CDK18: variants seen among roughly 807,000 people sequenced by gnomAD.
CDK18 encodes the protein cyclin-dependent kinase 18.
In CDK18, 52 loss-of-function variants were observed where a neutral mutation model predicts 62.0. The observed-to-expected ratio is 0.84, with a 90% CI of 0.67 to 1.06. The LOEUF is 1.06. Among genes scored for constraint, CDK18 ranks in the 50% least tolerant of loss-of-function variants. CDK18 has a pLI of 0.00. For synonymous variants in CDK18, 237 were observed against 247.0 expected, an observed-to-expected ratio of 0.96 and a Z score of 0.38; for missense variants, 604 against 619.9, an observed-to-expected ratio of 0.97 and a Z score of 0.27.
intron 14 of CDK18, 35 bp from the exon 15 acceptor site, chr1:205,530,593 C>T (rs779851091): frequency 1.3e-6 from 2 of 1,594,648 alleles, no homozygotes; most frequent in South Asian, 2.2e-5. Flanking sequence ...CAGCTCCACG[C>T]AGCCCTCTCC....
At position 205,527,788 on chromosome 1, in the gene CDK18, C is replaced by A. The variant is rs777536754; in HGVS notation, c.730-6C>A. On this transcript the variant is annotated splice_region_variant and splice_polypyrimidine_tract_variant and intron_variant, in intron 8 of 15. Transcript: ENST00000429964. The surrounding 1 kb of genome is among the most constrained non-coding windows in gnomAD (Gnocchi z 4.1). Reference sequence around the variant, plus strand: ...CCACCCCACATTTCTCTTCCCCCTCCCCCAGATTTTCATGTTCCAGCTGCT... The same window carrying A: ...CCACCCCACATTTCTCTTCCCCCTCACCCAGATTTTCATGTTCCAGCTGCT... 1.2e-6 allele frequency: 2 copies of A among 1,613,740 alleles called. No individual in the cohort carries two copies. The highest frequency in any genetic ancestry group is 2.2e-5 in the South Asian group (2 of 91,066).
At chr1:205,531,302 C>T in intron 15 of CDK18, 42 bp from the exon 16 acceptor site, 1 of 1,606,010 alleles carries the variant, frequency 6.2e-7, no homozygotes, top group Non-Finnish European at 8.5e-7. Context: ...ACCCGTCAGC[C>T]CAGCCTCCTC....
At chr1:205,508,994 C>T (rs1341586410) in intron 1 of CDK18, among the ~76,000 whole-genome samples, 1 of 151,648 alleles carries the variant, frequency 6.6e-6, no homozygotes, top group Non-Finnish European at 1.5e-5. Context: ...CCTAAAAATA[C>T]AAAAATTAGC....
At position 205,513,972 on chromosome 1, in the gene CDK18, C is replaced by A. The variant is rs374386583; in HGVS notation, c.-21-9175C>A. Among the ~76,000 whole-genome samples the A allele has an allele frequency of 3.9e-5, 6 of 152,344 alleles. No individual in the cohort carries two copies. In the East Asian group the frequency reaches 5.8e-4, roughly 15 times the overall value. On this transcript the variant is annotated intron_variant, in intron 1 of 15. Coordinates refer to ENST00000429964, the MANE Select transcript of CDK18 (RefSeq NM_212502.3). Reference sequence around the variant, plus strand: ...CTAGAGGAAGAGGGTCAGGTTTCAGCTGAGGCCTCGAGTCCAGCTTTCATA... The same window carrying A: ...CTAGAGGAAGAGGGTCAGGTTTCAGATGAGGCCTCGAGTCCAGCTTTCATA...
chr1:205,531,335 A>G lies in CDK18; in HGVS notation c.1391-9A>G, dbSNP rs201812016. On this transcript the variant is annotated splice_polypyrimidine_tract_variant and intron_variant, in intron 15 of 15. Transcript: ENST00000429964. ...CTCCCTGCAGCCCCACCTCTTCTCC[A>G]TTCTCCAGGACGAGGGAAGAACAGG... 169 of 1,613,918 alleles carry G rather than the reference A, an allele frequency of 1.0e-4. 1 individual carries two copies. In the East Asian group the frequency reaches 3.6e-3, roughly 34 times the overall value.
rs1473162056 is a variant in CDK18 at position 205,516,995 on chromosome 1, C to A, written c.-21-6152C>A. ...CAACCTCCTTCTCCACCTCCATGGTCTCCAGGTCAAGGTCTCTCAGGGGTC... is the reference window on the plus strand; with the variant it reads ...CAACCTCCTTCTCCACCTCCATGGTATCCAGGTCAAGGTCTCTCAGGGGTC... On this transcript the variant is annotated intron_variant, in intron 1 of 15. Transcript: ENST00000429964. This position sits in a 1 kb window ranked among gnomAD's most constrained non-coding sequence, Gnocchi z 4.8. 6.6e-6 allele frequency: 1 copy of A among 152,302 alleles called. No individual in the cohort carries two copies. The highest frequency in any genetic ancestry group is 1.5e-5 in the Non-Finnish European group (1 of 68,132). 9.4% of individuals were successfully genotyped at this position (152,302 alleles called of 1,614,324 possible). A position where few individuals can be genotyped will look rare whatever the true frequency, so the allele number is the denominator to read the frequency against.
At chr1:205,530,229 G>A (rs1381627233) in intron 13 of CDK18, 30 bp from the exon 14 acceptor site, 1 of 1,608,700 alleles carries the variant, frequency 6.2e-7, no homozygotes, top group Non-Finnish European at 8.5e-7. Flanking sequence ...CCCCCAGCCG[G>A]GCCCAATAGC....
At chr1:205,506,273 G>T (rs1032650109) in intron 1 of CDK18, among the ~76,000 whole-genome samples, 1 of 152,118 alleles carries the variant, frequency 6.6e-6, no homozygotes, top group African/African-American at 2.4e-5. Context: ...TGCTATCTCG[G>T]GTTACCCTTT....
In CDK18 at chr1:205,524,271, C is replaced by T; in HGVS notation, c.313C>T (p.Leu105=). 3 of 1,614,214 alleles carry T rather than the reference C, an allele frequency of 1.9e-6. No individual in the cohort carries two copies. Among genetic ancestry groups the T allele is most frequent in the Non-Finnish European group, 2.5e-6 (3 of 1,180,032 alleles). The part of the protein sequence containing the change: ...KRLSLPMDIR[L]PQEFLQKLQM... The stretch of plus-strand genomic sequence containing the variant: ...GCTCTCTCTGCCCATGGATATCCGC[C>T]TGCCCCAGGAATTCCTACAGAAGCT... Residue 105 remains leucine (L), a synonymous_variant, in exon 4 of 16, where the codon CTG becomes TTG. Transcript: ENST00000429964.
chr1:205,515,436 C>A (rs1667772081), intron 1 of CDK18, among the ~76,000 whole-genome samples: 1 of 152,136 alleles, frequency 6.6e-6, no homozygotes, highest in Non-Finnish European at 1.5e-5. Flanking sequence ...CTTGACCTCC[C>A]ACAGTGCTGG....
At chr1:205,521,773 A>G (rs1252255115) in intron 1 of CDK18, among the ~76,000 whole-genome samples, 1 of 152,262 alleles carries the variant, frequency 6.6e-6, no homozygotes, top group African/African-American at 2.4e-5. Flanking sequence ...GGATGTGATC[A>G]TTAAGCAAAG....
intron 1 of CDK18, among the ~76,000 whole-genome samples, chr1:205,514,182 T>A (rs1346034756): frequency 6.6e-6 from 1 of 152,162 alleles, no homozygotes; most frequent in Admixed American, 6.5e-5. Context: ...CAGAAAGCTG[T>A]GGGAGCACAG....
Position 205,516,870 on chromosome 1 carries a change from G to A in CDK18, c.-21-6277G>A, listed in dbSNP as rs1667847308. 6.6e-6 allele frequency: 1 copy of A among 152,236 alleles called. No homozygotes were observed. Among genetic ancestry groups the A allele is most frequent in the South Asian group, 2.1e-4 (1 of 4,832 alleles). 9.4% of individuals were successfully genotyped at this position (152,236 alleles called of 1,614,324 possible). A position where few individuals can be genotyped will look rare whatever the true frequency, so the allele number is the denominator to read the frequency against. On this transcript the variant is annotated intron_variant, in intron 1 of 15. Transcript: ENST00000429964. This position sits in a 1 kb window ranked among gnomAD's most constrained non-coding sequence, Gnocchi z 4.8. ...GCAAAGAGGCTTCTTGAAGGGGTTT[G>A]CTGAGAGAAGACTCCAGTCCTGGCC...
Position 205,528,661 on chromosome 1 carries a change from A to T in CDK18, c.975-338A>T. 3.2e-6 allele frequency: 1 copy of T among 312,678 alleles called. No individual in the cohort carries two copies. 19.4% of individuals were successfully genotyped at this position (312,678 alleles called of 1,614,324 possible). A position where few individuals can be genotyped will look rare whatever the true frequency, so the allele number is the denominator to read the frequency against. On this transcript the variant is annotated intron_variant, in intron 10 of 15. Transcript: ENST00000429964. The surrounding 1 kb of genome is among the most constrained non-coding windows in gnomAD (Gnocchi z 4.2). ...GAATGGATTTATGTACTTCTCTTCC[A>T]GTGGGGCACACAGTGGAGAGAGTTT...
chr1:205,527,403 C>T lies in CDK18; in HGVS notation c.730-391C>T, dbSNP rs946604494. The T allele has an allele frequency of 1.9e-5, 4 of 212,242 alleles. No homozygotes were observed. The highest frequency in any genetic ancestry group is 8.2e-5 in the South Asian group (1 of 12,132). The allele number at this position is 212,242 out of a possible 1,614,324, so 13.1% of individuals were successfully genotyped here. A position where few individuals can be genotyped will look rare whatever the true frequency, so the allele number is the denominator to read the frequency against. ...CTGAGGCAGGAGGGCCACTTGAGCC[C>T]GGGAGGTTGAGGCTGCAGTGAGCCA... is the stretch of plus-strand genomic sequence containing the variant. On this transcript the variant is annotated intron_variant, in intron 8 of 15. Coordinates refer to ENST00000429964, the MANE Select transcript of CDK18 (RefSeq NM_212502.3). The surrounding 1 kb of genome is among the most constrained non-coding windows in gnomAD (Gnocchi z 4.1).
intron 13 of CDK18, 148 bp downstream of exon 13, chr1:205,529,711 A>C: frequency 6.5e-7 from 1 of 1,543,144 alleles, no homozygotes; most frequent in Non-Finnish European, 8.7e-7. Context: ...CCCAAGGCCA[A>C]GGGGTGGCCT....
In CDK18 at chr1:205,528,280, T is replaced by A; in HGVS notation, c.974+112T>A. On this transcript the variant is annotated intron_variant, in intron 10 of 15. Transcript: ENST00000429964. This position sits in a 1 kb window ranked among gnomAD's most constrained non-coding sequence, Gnocchi z 4.2. ...GAAGAACTGCCTAACTTCCTTTGCC[T>A]AAAAGCCTTGTGACATCCTGCTGAA... 1 of 1,316,842 alleles carries A rather than the reference T, an allele frequency of 7.6e-7. No homozygotes were observed. Among genetic ancestry groups the A allele is most frequent in the Non-Finnish European group, 1.0e-6 (1 of 952,876 alleles). 81.6% of individuals were successfully genotyped at this position (1,316,842 alleles called of 1,614,324 possible).
intron 14 of CDK18, 77 bp from the exon 15 acceptor site, chr1:205,530,551 T>C: frequency 1.5e-6 from 2 of 1,363,020 alleles, no homozygotes; most frequent in South Asian, 2.4e-5. Flanking sequence ...GAGGGCTCAG[T>C]TGGTCCTTCT....
intron 1 of CDK18, among the ~76,000 whole-genome samples, chr1:205,510,730 G>A (rs1363324167): frequency 6.6e-6 from 1 of 152,246 alleles, no homozygotes; most frequent in Non-Finnish European, 1.5e-5. Context: ...AGTGGCCTCG[G>A]GCAGATCGCT....
Sources: allele counts gnomAD v4.1 joint callset (sites outside exome capture counted in the v4.1 genomes callset), GRCh38; gene constraint gnomAD v4.1.1; non-coding constraint Gnocchi (gnomAD v3.1); transcripts MANE v1.5; gene names NCBI Gene and HGNC (gene_info 2026-07-23, HGNC 2026-07-21).